NALF1: variants seen among roughly 807,000 people sequenced by gnomAD.
The protein encoded by NALF1 is family with sequence similarity 155 member A.
A neutral mutation model predicts 48.4 loss-of-function variants in NALF1; 3 were observed. That is an observed-to-expected ratio of 0.06 (90% CI 0.03 to 0.16). The LOEUF (loss-of-function observed/expected upper bound fraction) is 0.16. NALF1 is among the 10% of genes least tolerant of loss of function. The probability of loss-of-function intolerance (pLI) is 1.00; values close to 1 mark genes in which losing one functional copy is unlikely to be tolerated. For missense variants in NALF1, 526 were observed against 571.5 expected (o/e 0.92, Z 0.81); for synonymous variants, 262 against 245.7 (o/e 1.07, Z -0.62).
intron 1 of NALF1, among the ~76,000 whole-genome samples, chr13:107,297,673 G>A (rs1287180286): frequency 6.6e-6 from 1 of 152,198 alleles, no homozygotes; most frequent in Non-Finnish European, 1.5e-5. Flanking sequence ...TAGCCCGATA[G>A]ATATAATTCA....
At chr13:107,708,958 AC>A (rs1162168404) in intron 1 of NALF1, among the ~76,000 whole-genome samples, 2 of 152,194 alleles carry the variant, frequency 1.3e-5, no homozygotes. Context: ...ATTTATGTTT[AC>A]CAGAAATGCA....
intron 1 of NALF1, among the ~76,000 whole-genome samples, chr13:107,281,303 G>A (rs1356914613): frequency 6.6e-6 from 1 of 152,170 alleles, no homozygotes; most frequent in African/African-American, 2.4e-5. Flanking sequence ...GAAATGCCAT[G>A]GGGATTCTTG....
At position 107,231,494 on chromosome 13, in the gene NALF1, C is replaced by A. The variant is rs147979816; in HGVS notation, c.916-20739G>T. Among the ~76,000 whole-genome samples, 556 of 152,174 alleles carry A rather than the reference C, an allele frequency of 3.7e-3. 5 individuals carry two copies. Among genetic ancestry groups the A allele is most frequent in the African/African-American group, 0.012 (518 of 41,528 alleles). On this transcript the variant is annotated intron_variant, in intron 1 of 2. Transcript: ENST00000375915. ...TATTTGAAGTTGCATTACCTTCAGA[C>A]TAGGAAAAAAACGTCTTTACATGGA... is the stretch of plus-strand genomic sequence containing the variant.
At chr13:107,776,169 A>G (rs566620766) in intron 1 of NALF1, among the ~76,000 whole-genome samples, 6 of 152,330 alleles carry the variant, frequency 3.9e-5, no homozygotes, top group African/African-American at 1.2e-4. Context: ...CTATCATTAG[A>G]CACATTGATT....
chr13:107,477,757 C>A (rs1025297710), intron 1 of NALF1, among the ~76,000 whole-genome samples: 7 of 151,876 alleles, frequency 4.6e-5, no homozygotes, highest in African/African-American at 1.7e-4. Context: ...CTTTAGAAAA[C>A]CTGTAACTAA....
intron 1 of NALF1, among the ~76,000 whole-genome samples, chr13:107,831,756 C>T (rs1879739166): frequency 6.6e-6 from 1 of 152,082 alleles, no homozygotes; most frequent in South Asian, 2.1e-4. Flanking sequence ...TATTTGCAGC[C>T]CCTGGGATTT....
At chr13:107,368,527 G>A (rs991326925) in intron 1 of NALF1, among the ~76,000 whole-genome samples, 5 of 152,034 alleles carry the variant, frequency 3.3e-5, no homozygotes, top group Admixed American at 6.6e-5. Flanking sequence ...GAGACTCTGG[G>A]GGCAATTCCA....
At chr13:107,754,982 G>A (rs764544959) in intron 1 of NALF1, among the ~76,000 whole-genome samples, 2 of 152,104 alleles carry the variant, frequency 1.3e-5, no homozygotes, top group African/African-American at 2.4e-5. Context: ...AGGTCTTCTG[G>A]TAAATTGTAT....
At chr13:107,795,226 A>G (rs1348906437) in intron 1 of NALF1, among the ~76,000 whole-genome samples, 1 of 152,128 alleles carries the variant, frequency 6.6e-6, no homozygotes, top group African/African-American at 2.4e-5. Flanking sequence ...ATTTAGGTCA[A>G]TCTCATTTTC....
intron 1 of NALF1, among the ~76,000 whole-genome samples, chr13:107,301,329 C>T (rs1192637282): frequency 8.6e-5 from 13 of 151,974 alleles, no homozygotes; most frequent in South Asian, 4.2e-4. Context: ...AATTAAAAAG[C>T]GAAAAAGAGA....
chr13:107,499,472 T>G (rs1363603406), intron 1 of NALF1, among the ~76,000 whole-genome samples: 1 of 152,118 alleles, frequency 6.6e-6, no homozygotes, highest in Non-Finnish European at 1.5e-5. Context: ...CCTCCCAAAC[T>G]GCTGGGATTG....
intron 1 of NALF1, among the ~76,000 whole-genome samples, chr13:107,638,471 G>A (rs1212578607): frequency 2.6e-5 from 4 of 151,964 alleles, no homozygotes; most frequent in African/African-American, 7.2e-5. Context: ...CAAGGTGCTG[G>A]AGGATAGCAG....
chr13:107,419,633 A>G (rs1884152964), intron 1 of NALF1, among the ~76,000 whole-genome samples: 1 of 152,190 alleles, frequency 6.6e-6, no homozygotes, highest in Non-Finnish European at 1.5e-5. Context: ...TACGATTCTA[A>G]TAAAATAATT....
intron 1 of NALF1, among the ~76,000 whole-genome samples, chr13:107,700,476 A>G (rs923079374): frequency 2.6e-5 from 4 of 152,034 alleles, no homozygotes; most frequent in African/African-American, 9.7e-5. Flanking sequence ...ACTACCATAC[A>G]CAAAAATCGA....
At chr13:107,611,282 T>C (rs1422851473) in intron 1 of NALF1, among the ~76,000 whole-genome samples, 1 of 152,148 alleles carries the variant, frequency 6.6e-6, no homozygotes, top group Non-Finnish European at 1.5e-5. Context: ...TGGAAGACAG[T>C]ACTAAAGTTC....
chr13:107,805,702 A>C (rs1274686171), intron 1 of NALF1, among the ~76,000 whole-genome samples: 8 of 152,186 alleles, frequency 5.3e-5, no homozygotes, highest in Admixed American at 5.2e-4. Context: ...GGTTACCTTC[A>C]ATTAGCGATC....
chr13:107,277,681 A>G (rs1028780705), intron 1 of NALF1, among the ~76,000 whole-genome samples: 2 of 152,166 alleles, frequency 1.3e-5, no homozygotes. Context: ...CTCCTTCTCC[A>G]TATTCCCAAT....
chr13:107,413,370 A>G lies in NALF1; in HGVS notation c.916-202615T>C, dbSNP rs370408725. 6.6e-5 allele frequency among the ~76,000 whole-genome samples: 10 copies of G among 152,222 alleles called. No individual in the cohort carries two copies. In the East Asian group the frequency reaches 1.7e-3, roughly 26 times the overall value. On this transcript the variant is annotated intron_variant, in intron 1 of 2. Coordinates refer to ENST00000375915, the MANE Select transcript of NALF1 (RefSeq NM_001080396.3). The stretch of plus-strand genomic sequence containing the variant: ...TAAGTTAAACCTGGAGTACAAGAAA[A>G]ACAATCTACATTAAAACCTCATCTA...
chr13:107,603,448 TTA>T (rs1474659482), intron 1 of NALF1, among the ~76,000 whole-genome samples: 1 of 152,208 alleles, frequency 6.6e-6, no homozygotes, highest in Non-Finnish European at 1.5e-5. Context: ...GTTATTGTTT[TTA>T]GAGATAAAAG....
Sources: gnomAD v4.1 joint callset for allele counts (sites outside exome capture counted in the v4.1 genomes callset) on GRCh38, gnomAD v4.1.1 for gene constraint, MANE v1.5 for transcripts, NCBI Gene and HGNC (gene_info 2026-07-23, HGNC 2026-07-21) for gene names.